Variants in CASP9 observed in about 807,000 individuals in gnomAD.
CASP9 encodes the protein caspase 9, also known as caspase-9.
Under a neutral mutation model 43.5 loss-of-function variants are expected in CASP9, and 29 were observed. The observed-to-expected ratio is 0.67, with a 90% CI of 0.50 to 0.91. The LOEUF is 0.91. Among genes scored for constraint, CASP9 ranks in the 40% least tolerant of loss-of-function variants. The pLI, the probability that CASP9 is intolerant of heterozygous loss-of-function variation, is 0.00. For synonymous variants in CASP9, 206 were observed against 211.9 expected (o/e 0.97, Z 0.24); for missense variants, 575 against 537.4 (o/e 1.07, Z -0.69).
At chr1:15,522,688 C>A (rs1252336553) in intron 1 of CASP9, among the ~76,000 whole-genome samples, 1 of 152,214 alleles carries the variant, frequency 6.6e-6, no homozygotes, top group Non-Finnish European at 1.5e-5. Context: ...GCACTCCAGG[C>A]TGGGCAAGAG....
chr1:15,505,610 C>T (rs1035818155), intron 5 of CASP9, among the ~76,000 whole-genome samples: 1 of 152,132 alleles, frequency 6.6e-6, no homozygotes, highest in Non-Finnish European at 1.5e-5. Context: ...CCCCAGTGGG[C>T]CTGGTGTCCT....
At chr1:15,523,437 A>T (rs189989550) in intron 1 of CASP9, among the ~76,000 whole-genome samples, 61 of 152,372 alleles carry the variant, frequency 4.0e-4, no homozygotes, top group African/African-American at 1.4e-3. Flanking sequence ...TCTATGCTAG[A>T]AAAGTAAAAA....
In CASP9 at chr1:15,518,224, T is replaced by G; in HGVS notation, c.304A>C (p.Thr102Pro). 7 of 1,614,188 alleles carry G rather than the reference T, an allele frequency of 4.3e-6. No homozygotes were observed. Among genetic ancestry groups the G allele is most frequent in the Non-Finnish European group, 5.1e-6 (6 of 1,180,034 alleles). The change falls in exon 2 of 9, where the codon ACC (threonine) becomes CCC (proline). Residue 102 changes from threonine to proline, a missense_variant. Coordinates refer to ENST00000333868, the MANE Select transcript of CASP9 (RefSeq NM_001229.5). The stretch of plus-strand genomic sequence containing the variant: ...ACCACTGGGGTAAGGTTTTCTAGGG[T>G]TGGCTTCGACAACTTTGCTGCTTGC... ...NRQAAKLSKPTLENLTPVVLR... is the reference protein window; with the variant it reads ...NRQAAKLSKPPLENLTPVVLR...
At position 15,504,763 on chromosome 1, in the gene CASP9, A is replaced by G. The variant is rs9282625; in HGVS notation, c.721-5T>C. On this transcript the variant is annotated splice_region_variant and splice_polypyrimidine_tract_variant and intron_variant, in intron 5 of 8. Coordinates refer to ENST00000333868, the MANE Select transcript of CASP9 (RefSeq NM_001229.5). ...TGGGAACTGCAGGTGGCTGGCCTAG[A>G]AGACCAAGAACCCTGGTTACAAAAC... The G allele has an allele frequency of 3.5e-4, 565 of 1,610,470 alleles. No individual in the cohort carries two copies. In the African/African-American group the frequency reaches 6.8e-3, roughly 19 times the overall value.
At chr1:15,500,904 G>A (rs1374761132) in intron 6 of CASP9, among the ~76,000 whole-genome samples, 2 of 151,986 alleles carry the variant, frequency 1.3e-5, no homozygotes, top group Non-Finnish European at 2.9e-5. Flanking sequence ...AAAGGAAAGA[G>A]GGGGTCAGGC....
intron 6 of CASP9, among the ~76,000 whole-genome samples, chr1:15,502,822 G>A (rs1452254523): frequency 1.3e-5 from 2 of 152,250 alleles, no homozygotes; most frequent in Non-Finnish European, 1.5e-5. Flanking sequence ...ATAGGAGAAA[G>A]AGGGACCGGA....
intron 1 of CASP9, 72 bp from the exon 2 acceptor site, chr1:15,518,467 T>C: frequency 1.3e-6 from 2 of 1,495,254 alleles, no homozygotes; most frequent in South Asian, 2.5e-5. Flanking sequence ...TCTCCCCATT[T>C]CCCAGCTACT....
rs1285343048 is a variant in CASP9, at chr1:15,493,766, G to A, written c.1158+126C>T. On this transcript the variant is annotated intron_variant, in intron 8 of 8. Coordinates refer to ENST00000333868, the MANE Select transcript of CASP9 (RefSeq NM_001229.5). ...AAAGTGCCGACTCCAAGGCTCAGAGGCAGGAGTCTACTACCTTTTACCCTT... is the reference window on the plus strand; with the variant it reads ...AAAGTGCCGACTCCAAGGCTCAGAGACAGGAGTCTACTACCTTTTACCCTT... 2.6e-6 allele frequency: 4 copies of A among 1,531,230 alleles called. No homozygotes were observed. The South Asian group carries it at 4.8e-5, about 18-fold the overall frequency. The allele number at this position is 1,531,230 out of a possible 1,614,324, so 94.9% of individuals were successfully genotyped here.
Position 15,518,374 on chromosome 1 carries a change from G to A in CASP9, c.154C>T (p.Arg52Trp), listed in dbSNP as rs201284755. The change falls in exon 2 of 9, where the codon CGG becomes TGG. Residue 52 changes from arginine (R) to tryptophan (W), a missense_variant. By Grantham distance (101) the Arg-to-Trp change is moderately radical (BLOSUM62 -3). Coordinates refer to ENST00000333868, the MANE Select transcript of CASP9 (RefSeq NM_001229.5). ...ATGATCAGCTGCCTGGCCTGATCCCGCCGAGATCCAGAGCCTGCCCGCTGT... is the reference window on the plus strand; with the variant it reads ...ATGATCAGCTGCCTGGCCTGATCCCACCGAGATCCAGAGCCTGCCCGCTGT... ...DIQRAGSGSR[R>W]DQARQLIIDL... 11 of 1,612,394 alleles carry A rather than the reference G, an allele frequency of 6.8e-6. No individual in the cohort carries two copies. The highest frequency in any genetic ancestry group is 4.5e-5 in the East Asian group (2 of 44,858).
intron 2 of CASP9, 32 bp from the exon 3 acceptor site, chr1:15,507,939 T>A (rs1217551418): frequency 5.6e-6 from 9 of 1,613,328 alleles, no homozygotes; most frequent in Non-Finnish European, 7.6e-6. Flanking sequence ...GAAACATGAA[T>A]GTTGGGTTAC....
At chr1:15,499,640 TAA>T (rs1173216846) in intron 6 of CASP9, among the ~76,000 whole-genome samples, 2 of 152,206 alleles carry the variant, frequency 1.3e-5, no homozygotes, top group Non-Finnish European at 2.9e-5. Flanking sequence ...AGATATCACC[TAA>T]ATGGCCGACA....
rs756324617 is a variant in CASP9, at chr1:15,491,990, C to T, written c.*953G>A. Reference sequence around the variant, plus strand: ...TAATCGTTTTCCCTTGGACAAGAGACCTAACCTCCCTGAGCACAGGGTTCT... The same window carrying T: ...TAATCGTTTTCCCTTGGACAAGAGATCTAACCTCCCTGAGCACAGGGTTCT... On this transcript the variant is annotated 3_prime_UTR_variant, in exon 9 of 9. Transcript: ENST00000333868. 1.2e-4 allele frequency: 18 copies of T among 152,498 alleles called. No homozygotes were observed. The highest frequency in any genetic ancestry group is 1.8e-4 in the Non-Finnish European group (12 of 68,304). 9.4% of individuals were successfully genotyped at this position (152,498 alleles called of 1,614,324 possible). A position where few individuals can be genotyped will look rare whatever the true frequency, so the allele number is the denominator to read the frequency against.
chr1:15,498,742 C>CTTTT (rs1218849159), intron 6 of CASP9, among the ~76,000 whole-genome samples: 19 of 83,526 alleles, frequency 2.3e-4, no homozygotes, highest in Non-Finnish European at 3.2e-4. Flanking sequence ...TGAAAGTGAT[C>CTTTT]TTTTTTTTTT....
At position 15,493,020 on chromosome 1, in the gene CASP9, A is replaced by C. The variant is rs1708948657; in HGVS notation, c.1174T>G (p.Ser392Ala). 1 of 1,614,112 alleles carries C rather than the reference A, an allele frequency of 6.2e-7. No homozygotes were observed. Among genetic ancestry groups the C allele is most frequent in the African/African-American group, 1.3e-5 (1 of 75,056 alleles). The change falls in exon 9 of 9, where the codon TCG (serine) becomes GCG (alanine). Residue 392 changes from serine (S) to alanine (A), a missense_variant. Ser to Ala is a moderately conservative substitution (Grantham distance 99, BLOSUM62 1). Transcript: ENST00000333868. ...SLLLRVANAV[S>A]VKGIYKQMPG... The stretch of plus-strand genomic sequence containing the variant: ...ATCTGTTTATAAATCCCTTTCACCG[A>C]AACAGCATTAGCGACCTGTAAGACA...
At chr1:15,507,144 G>A (rs1302737325) in intron 3 of CASP9, 69 bp from the exon 4 acceptor site, 9 of 1,591,744 alleles carry the variant, frequency 5.7e-6, no homozygotes, top group Non-Finnish European at 6.9e-6. Flanking sequence ...CTGGAGAGGC[G>A]GGAAGAAAAC....
At chr1:15,501,072 A>C (rs1201001187) in intron 6 of CASP9, among the ~76,000 whole-genome samples, 3 of 152,110 alleles carry the variant, frequency 2.0e-5, no homozygotes, top group Non-Finnish European at 1.5e-5. Context: ...GTAGGGCAGG[A>C]CTCATTCCCC....
intron 1 of CASP9, among the ~76,000 whole-genome samples, chr1:15,521,100 T>C (rs529883812): frequency 7.1e-6 from 1 of 139,958 alleles, no homozygotes; most frequent in East Asian, 2.1e-4. Flanking sequence ...GAGCTTGCAG[T>C]GAGCCGAGAT....
chr1:15,500,279 T>C (rs967866463), intron 6 of CASP9, among the ~76,000 whole-genome samples: 2 of 152,118 alleles, frequency 1.3e-5, no homozygotes, highest in Non-Finnish European at 2.9e-5. Flanking sequence ...CCTGATGCCA[T>C]CAGGGAGAAC....
At position 15,492,787 on chromosome 1, in the gene CASP9, C is replaced by T; in HGVS notation, c.*156G>A. On this transcript the variant is annotated 3_prime_UTR_variant, in exon 9 of 9. Transcript: ENST00000333868. ...TCAGCACTTGTCGTCAATCTGGAAG[C>T]TGCTAAGAGCCTGTCTGTCACTGGC... is the stretch of plus-strand genomic sequence containing the variant. The T allele has an allele frequency of 9.9e-7, 1 of 1,008,612 alleles. No homozygotes were observed. 62.5% of individuals were successfully genotyped at this position (1,008,612 alleles called of 1,614,324 possible).
Sources: gnomAD v4.1 joint callset for allele counts (sites outside exome capture counted in the v4.1 genomes callset) on GRCh38, gnomAD v4.1.1 for gene constraint, MANE v1.5 for transcripts, NCBI Gene and HGNC (gene_info 2026-07-23, HGNC 2026-07-21) for gene names.